The following CFAP54 variants were observed in gnomAD, a reference collection of about 807,000 sequenced individuals.
CFAP54 encodes the protein cilia and flagella associated protein 54, also known as cilia- and flagella-associated protein 54.
Under a neutral mutation model 370.4 loss-of-function variants are expected in CFAP54, and 290 were observed. The ratio of observed to expected loss-of-function variants is 0.78; its 90% confidence interval spans 0.71 to 0.86. CFAP54 has a LOEUF of 0.86. Among genes scored for constraint, CFAP54 ranks in the 40% least tolerant of loss-of-function variants. The probability of loss-of-function intolerance (pLI) is 0.00; values close to 1 mark genes in which losing one functional copy is unlikely to be tolerated. For synonymous variants in CFAP54, 1,206 were observed against 1,236.5 expected, an observed-to-expected ratio of 0.98 and a Z score of 0.52; for missense variants, 3,399 against 3,528.7, an observed-to-expected ratio of 0.96 and a Z score of 0.93.
intron 17 of CFAP54, among the ~76,000 whole-genome samples, chr12:96,564,205 G>C (rs1006011747): frequency 1.3e-5 from 2 of 152,148 alleles, no homozygotes; most frequent in Non-Finnish European, 2.9e-5. Context: ...CAATCCTCAG[G>C]ATGACTTTAT....
intron 12 of CFAP54, among the ~76,000 whole-genome samples, chr12:96,538,102 A>AT (rs2136384906): frequency 6.7e-6 from 1 of 149,468 alleles, no homozygotes; most frequent in East Asian, 2.0e-4. Context: ...CAAAAAAAAA[A>AT]GGAGTGAGGA....
chr12:96,836,714 T>C (rs543784131), intron 66 of CFAP54, among the ~76,000 whole-genome samples: 16 of 152,374 alleles, frequency 1.1e-4, no homozygotes, highest in African/African-American at 3.6e-4. Flanking sequence ...TCCTTAATAA[T>C]GGTTAAATTC....
At chr12:96,501,641 C>T (rs998417722) in intron 2 of CFAP54, among the ~76,000 whole-genome samples, 45 of 152,258 alleles carry the variant, frequency 3.0e-4, no homozygotes, top group African/African-American at 1.0e-3. Context: ...GTTATGTGAA[C>T]GTCAGACAAT....
At chr12:96,552,878 C>T (rs140592268) in intron 15 of CFAP54, among the ~76,000 whole-genome samples, 1 of 152,200 alleles carries the variant, frequency 6.6e-6, no homozygotes, top group Non-Finnish European at 1.5e-5. Context: ...ATTAGTCTTC[C>T]AATGAGGGGC....
Position 96,543,705 on chromosome 12 carries a change from A to C in CFAP54, c.2077+2718A>C, listed in dbSNP as rs561490443. On this transcript the variant is annotated intron_variant, in intron 14 of 67. Coordinates refer to ENST00000524981, the MANE Select transcript of CFAP54 (RefSeq NM_001306084.2). ...TTTACTAGATGCATGAAAGGCACTA[A>C]TACTCTAGGATCCCATTATTCCAGT... is the stretch of plus-strand genomic sequence containing the variant. Among the ~76,000 whole-genome samples the C allele has an allele frequency of 3.3e-5, 5 of 152,270 alleles. No individual in the cohort carries two copies. In the East Asian group the frequency reaches 9.7e-4, roughly 29 times the overall value.
chr12:96,662,879 C>T (rs1214108031), intron 38 of CFAP54, among the ~76,000 whole-genome samples: 1 of 152,094 alleles, frequency 6.6e-6, no homozygotes, highest in African/African-American at 2.4e-5. Context: ...ATCATATTTA[C>T]AACTATGTGC....
intron 65 of CFAP54, among the ~76,000 whole-genome samples, chr12:96,826,762 A>G (rs1452426418): frequency 8.9e-6 from 1 of 111,970 alleles, no homozygotes; most frequent in Non-Finnish European, 1.6e-5. Context: ...AATACATATT[A>G]ATATATTATA....
chr12:96,733,694 C>G (rs1957949352), intron 50 of CFAP54, among the ~76,000 whole-genome samples: 1 of 152,152 alleles, frequency 6.6e-6, no homozygotes, highest in African/African-American at 2.4e-5. Flanking sequence ...AGGTAATCCT[C>G]ACATACTTTC....
intron 44 of CFAP54, among the ~76,000 whole-genome samples, chr12:96,692,528 C>T (rs1957399097): frequency 6.6e-6 from 1 of 152,056 alleles, no homozygotes; most frequent in African/African-American, 2.4e-5. Flanking sequence ...AAGGTAATCG[C>T]CAACTTTTAA....
In CFAP54 at chr12:96,664,886, T is replaced by C. The variant is rs190358146; in HGVS notation, c.5563+954T>C. On this transcript the variant is annotated intron_variant, in intron 39 of 67. Transcript: ENST00000524981. ...TTTCTGTCTTTAGGTCTTTCAGGAA[T>C]TGCATCACTGTTTTCCACAATGGTT... Among the ~76,000 whole-genome samples the C allele has an allele frequency of 8.6e-5, 13 of 150,620 alleles. No homozygotes were observed. The East Asian group carries it at 2.5e-3, about 29-fold the overall frequency.
intron 67 of CFAP54, among the ~76,000 whole-genome samples, chr12:96,868,370 T>C (rs1773772121): frequency 6.6e-6 from 1 of 152,146 alleles, no homozygotes; most frequent in Admixed American, 6.6e-5. Context: ...GTCCACTGTA[T>C]ATTTTTCTGT....
chr12:96,786,637 TA>T, intron 61 of CFAP54, 37 bp from the exon 62 acceptor site: 1 of 1,402,554 alleles, frequency 7.1e-7, no homozygotes, highest in Non-Finnish European at 9.6e-7. Flanking sequence ...TCCCGTTTTC[TA>T]ATATGAACCT....
chr12:96,790,868 A>G (rs2136700692), intron 62 of CFAP54, among the ~76,000 whole-genome samples: 1 of 152,298 alleles, frequency 6.6e-6, no homozygotes, highest in African/African-American at 2.4e-5. Flanking sequence ...TTCAGTCAAA[A>G]CATTTTTTCT....
intron 26 of CFAP54, among the ~76,000 whole-genome samples, chr12:96,610,768 G>A (rs1453938759): frequency 2.0e-5 from 3 of 152,184 alleles, no homozygotes; most frequent in Non-Finnish European, 4.4e-5. Context: ...AGGGTCCCAC[G>A]GCCACAGAGC....
chr12:96,874,913 G>A (rs1478697172), intron 67 of CFAP54, among the ~76,000 whole-genome samples: 5 of 151,964 alleles, frequency 3.3e-5, no homozygotes, highest in Admixed American at 1.3e-4. Flanking sequence ...CACCGCGCCC[G>A]GCCGGGATCT....
Position 96,492,851 on chromosome 12 carries a change from G to A in CFAP54, c.317+2925G>A, listed in dbSNP as rs939292070. Among the ~76,000 whole-genome samples the A allele has an allele frequency of 7.9e-5, 12 of 152,112 alleles. No individual in the cohort carries two copies. In the South Asian group the frequency reaches 8.3e-4, roughly 11 times the overall value. On this transcript the variant is annotated intron_variant, in intron 1 of 67. Coordinates refer to ENST00000524981, the MANE Select transcript of CFAP54 (RefSeq NM_001306084.2). ...CTACTAAAAAATACAAAAATTAGCCGGGCGTGGTGGTGTGTGCCTGTAATC... is the reference window on the plus strand; with the variant it reads ...CTACTAAAAAATACAAAAATTAGCCAGGCGTGGTGGTGTGTGCCTGTAATC...
At chr12:96,637,453 A>C (rs954548530) in intron 32 of CFAP54, among the ~76,000 whole-genome samples, 2 of 152,158 alleles carry the variant, frequency 1.3e-5, no homozygotes, top group Admixed American at 6.5e-5. Flanking sequence ...TCTAACTTTC[A>C]AAGTAGAATG....
chr12:96,676,686 C>T (rs1957212928), intron 39 of CFAP54, among the ~76,000 whole-genome samples: 1 of 152,118 alleles, frequency 6.6e-6, no homozygotes, highest in Non-Finnish European at 1.5e-5. Context: ...GCTGGGACTA[C>T]AGGCGCCTGC....
At chr12:96,754,628 C>CA (rs1958229731) in intron 56 of CFAP54, among the ~76,000 whole-genome samples, 1 of 152,192 alleles carries the variant, frequency 6.6e-6, no homozygotes, top group Non-Finnish European at 1.5e-5. Context: ...GTGAGCTCAA[C>CA]ACTGGCCAGC....
Sources: gnomAD v4.1 joint callset for allele counts (sites outside exome capture counted in the v4.1 genomes callset) on GRCh38, gnomAD v4.1.1 for gene constraint, MANE v1.5 for transcripts, NCBI Gene and HGNC (gene_info 2026-07-23, HGNC 2026-07-21) for gene names.